Variants in AKAP6 observed in about 807,000 individuals in gnomAD.
The protein encoded by AKAP6 is A-kinase anchoring protein 6, also known as A-kinase anchor protein 6.
AKAP6 carries 58 observed loss-of-function variants against 188.5 expected under a neutral mutation model. The ratio of observed to expected loss-of-function variants is 0.31; its 90% CI spans 0.25 to 0.38. The LOEUF (loss-of-function observed/expected upper bound fraction) is 0.38. Among genes scored for constraint, AKAP6 ranks in the 10% least tolerant of loss-of-function variants. AKAP6 has a pLI of 1.00. For synonymous variants in AKAP6, 989 were observed against 998.6 expected (o/e 0.99, Z 0.18); for missense variants, 2,710 against 2,740.0 (o/e 0.99, Z 0.24).
intron 2 of AKAP6, among the ~76,000 whole-genome samples, chr14:32,450,356 G>T (rs915666595): frequency 1.3e-5 from 2 of 151,830 alleles, no homozygotes; most frequent in African/African-American, 4.8e-5. Context: ...GAGGGAGAGG[G>T]ATTGATTTGT....
chr14:32,540,879 AT>A lies in AKAP6; in HGVS notation c.577-4341del, dbSNP rs57000522. On this transcript the variant is annotated intron_variant, in intron 3 of 13. Coordinates refer to ENST00000280979, the MANE Select transcript of AKAP6 (RefSeq NM_004274.5). ...GCTTTGTTTTTTTTTTCAGGGAGGG[AT>A]TTTTTTTTTGCATTAAAAAATACAG... is the stretch of plus-strand genomic sequence containing the variant. 2.8e-3 allele frequency among the ~76,000 whole-genome samples: 400 copies of A among 144,986 alleles called. 1 individual carries two copies. Among genetic ancestry groups the A allele is most frequent in the Non-Finnish European group, 4.8e-3 (313 of 65,516 alleles).
In AKAP6 at chr14:32,600,852, C is replaced by T. The variant is rs968390263; in HGVS notation, c.2730+60C>T. ...TTTCTGTCTTCTTTTGAACTAGGCA[C>T]CACTGAAGTTTTCTTTCCAACCCTA... On this transcript the variant is annotated intron_variant, in intron 7 of 13. Coordinates refer to ENST00000280979, the MANE Select transcript of AKAP6 (RefSeq NM_004274.5). 7 of 1,483,102 alleles carry T rather than the reference C, an allele frequency of 4.7e-6. No individual in the cohort carries two copies. The African/African-American group carries it at 7.1e-5, about 15-fold the overall frequency. The allele number at this position is 1,483,102 out of a possible 1,614,324, so 91.9% of individuals were successfully genotyped here.
At chr14:32,490,759 T>C (rs933233158) in intron 2 of AKAP6, among the ~76,000 whole-genome samples, 8 of 152,206 alleles carry the variant, frequency 5.3e-5, no homozygotes, top group African/African-American at 1.9e-4. Context: ...TTCTGTAAAT[T>C]TGCATTCTCT....
chr14:32,421,348 T>TTTTCTCA, intron 1 of AKAP6, among the ~76,000 whole-genome samples: 1 of 28,636 alleles, frequency 3.5e-5, no homozygotes, highest in South Asian at 1.2e-3. Context: ...TAATTATCTC[T>TTTTCTCA]CCTAATTTAT....
intron 7 of AKAP6, among the ~76,000 whole-genome samples, chr14:32,637,080 T>C (rs917355229): frequency 1.3e-5 from 2 of 152,096 alleles, no homozygotes; most frequent in African/African-American, 4.8e-5. Context: ...CTATTTATAA[T>C]TTCCGTATCT....
intron 3 of AKAP6, among the ~76,000 whole-genome samples, chr14:32,540,168 C>CTCTCTCTATATATATATATATATA (rs1240063339): frequency 1.6e-5 from 1 of 60,922 alleles, no homozygotes; most frequent in African/African-American, 9.8e-5. Flanking sequence ...CTCTCTCTCT[C>CTCTCTCTATATATATATATATATA]TATATATATA....
intron 8 of AKAP6, among the ~76,000 whole-genome samples, chr14:32,691,543 A>G (rs1210931794): frequency 1.3e-5 from 2 of 152,118 alleles, no homozygotes; most frequent in Non-Finnish European, 2.9e-5. Flanking sequence ...AAGAAATTCA[A>G]TAATTTATTT....
At chr14:32,490,090 T>C (rs1274562644) in intron 2 of AKAP6, among the ~76,000 whole-genome samples, 1 of 151,684 alleles carries the variant, frequency 6.6e-6, no homozygotes, top group Non-Finnish European at 1.5e-5. Context: ...GTGGGGGAGA[T>C]TACAAAGAAC....
intron 9 of AKAP6, among the ~76,000 whole-genome samples, chr14:32,704,996 C>T (rs574708030): frequency 6.6e-5 from 10 of 152,240 alleles, no homozygotes; most frequent in Admixed American, 5.9e-4. Context: ...AGTCCTGGTA[C>T]CTGTTCAGAA....
At chr14:32,500,456 A>G (rs1880553029) in intron 2 of AKAP6, among the ~76,000 whole-genome samples, 1 of 152,146 alleles carries the variant, frequency 6.6e-6, no homozygotes, top group African/African-American at 2.4e-5. Flanking sequence ...TACTTCTGTC[A>G]CTCTGTGACG....
At chr14:32,757,058 A>G (rs1405541385) in intron 11 of AKAP6, among the ~76,000 whole-genome samples, 2 of 152,158 alleles carry the variant, frequency 1.3e-5, no homozygotes, top group African/African-American at 4.8e-5. Flanking sequence ...CAGGTACTCA[A>G]TTCATTCTCC....
rs1887315880 is a variant in AKAP6 at position 32,352,321 on chromosome 14, G to A, written c.-35+22913G>A. Among the ~76,000 whole-genome samples the A allele has an allele frequency of 5.3e-5, 8 of 151,452 alleles. 1 individual carries two copies. In the South Asian group the frequency reaches 1.7e-3, roughly 32 times the overall value. ...ATTATACATATTTGGGGGGTACAGT[G>A]TGATGTTTCCGTACAAGTATGTATT... On this transcript the variant is annotated intron_variant, in intron 1 of 13. Transcript: ENST00000280979.
intron 1 of AKAP6, among the ~76,000 whole-genome samples, chr14:32,338,857 T>G (rs1034042960): frequency 2.6e-5 from 4 of 152,260 alleles, no homozygotes; most frequent in East Asian, 3.9e-4. Context: ...TTTCACATAC[T>G]TAGAAGTAGT....
chr14:32,716,375 G>A (rs1013374677), intron 9 of AKAP6, among the ~76,000 whole-genome samples: 1 of 151,428 alleles, frequency 6.6e-6, no homozygotes, highest in Non-Finnish European at 1.5e-5. Context: ...TGCACTGTAT[G>A]TATTACGTAC....
At chr14:32,371,646 A>C (rs529301990) in intron 1 of AKAP6, among the ~76,000 whole-genome samples, 1 of 152,304 alleles carries the variant, frequency 6.6e-6, no homozygotes, top group East Asian at 1.9e-4. Context: ...ATTGGTCTGC[A>C]GTAGAGGGAA....
intron 5 of AKAP6, among the ~76,000 whole-genome samples, chr14:32,578,793 G>A (rs541032344): frequency 7.9e-5 from 12 of 152,250 alleles, no homozygotes; most frequent in African/African-American, 2.4e-4. Flanking sequence ...ATTGAAAGCC[G>A]GGCTAGGAGA....
intron 7 of AKAP6, among the ~76,000 whole-genome samples, chr14:32,618,200 A>G (rs1423791049): frequency 1.3e-5 from 2 of 152,196 alleles, no homozygotes; most frequent in Non-Finnish European, 2.9e-5. Flanking sequence ...ACCATTAAAA[A>G]AATTTTTCAG....
At chr14:32,587,954 G>T (rs1388616671) in intron 5 of AKAP6, among the ~76,000 whole-genome samples, 3 of 152,164 alleles carry the variant, frequency 2.0e-5, no homozygotes, top group Non-Finnish European at 2.9e-5. Flanking sequence ...AGTATCAGGG[G>T]TACATGGTAA....
Position 32,596,415 on chromosome 14 carries a change from T to A in AKAP6, c.2470-2995T>A, listed in dbSNP as rs571836545. ...CATCCAGATATATGCAAGCTGGTGA[T>A]GCTAGAGGTTATAGTAATAGAAATG... is the stretch of plus-strand genomic sequence containing the variant. On this transcript the variant is annotated intron_variant, in intron 5 of 13. Coordinates refer to ENST00000280979, the MANE Select transcript of AKAP6 (RefSeq NM_004274.5). Among the ~76,000 whole-genome samples, 9 of 152,320 alleles carry A rather than the reference T, an allele frequency of 5.9e-5. No homozygotes were observed. In the South Asian group the frequency reaches 1.9e-3, roughly 32 times the overall value.
Sources: gnomAD v4.1 joint callset for allele counts (sites outside exome capture counted in the v4.1 genomes callset) on GRCh38, gnomAD v4.1.1 for gene constraint, MANE v1.5 for transcripts, NCBI Gene and HGNC (gene_info 2026-07-23, HGNC 2026-07-21) for gene names.